The following TBX15 variants were observed in gnomAD, a reference collection of about 807,000 sequenced individuals.
The protein encoded by TBX15 is T-box transcription factor 15, also known as T-box transcription factor TBX15.
In TBX15, 18 loss-of-function variants were observed where a neutral mutation model predicts 53.9. That is an observed-to-expected ratio of 0.33 (90% CI 0.23 to 0.49). The LOEUF (loss-of-function observed/expected upper bound fraction) is 0.49. Ranked by LOEUF, TBX15 falls within the 20% of genes least tolerant of loss-of-function variation. TBX15 has a pLI of 0.98. For missense variants in TBX15, 692 were observed against 749.5 expected (o/e 0.92, Z 0.90); for synonymous variants, 295 against 278.0 (o/e 1.06, Z -0.61).
At chr1:118,956,046 C>T (rs1656679874) in intron 1 of TBX15, among the ~76,000 whole-genome samples, 2 of 152,242 alleles carry the variant, frequency 1.3e-5, no homozygotes, top group African/African-American at 2.4e-5. Context: ...AGTGACCTCG[C>T]CCCTTCTACC....
intron 5 of TBX15, among the ~76,000 whole-genome samples, chr1:118,914,433 C>T (rs1052171263): frequency 6.6e-6 from 1 of 152,186 alleles, no homozygotes; most frequent in African/African-American, 2.4e-5. Flanking sequence ...TCCTACTCAC[C>T]TTCCTTGCCC....
In TBX15 at chr1:118,931,695, C is replaced by A. The variant is rs531803259; in HGVS notation, c.343G>T (p.Val115Leu). 6.2e-7 allele frequency: 1 copy of A among 1,614,100 alleles called. No homozygotes were observed. Among genetic ancestry groups the A allele is most frequent in the African/African-American group, 1.3e-5 (1 of 75,050 alleles). The change falls in exon 2 of 8, where the codon GTG (valine) becomes TTG (leucine). Residue 115 changes from valine (V) to leucine (L), a missense_variant. By Grantham distance (32) the Val-to-Leu change is conservative. This residue lies in a region of TBX15 where 307 missense variants were observed against 347.5 expected (regional missense o/e 0.88). Transcript: ENST00000369429. ...AAMSSMEEIQ[V>L]ELQCADLWKR... Reference sequence around the variant, plus strand: ...CAGAGGTCAGCACATTGCAGCTCCACCTGAATCTCCTCCATGGAAGACATG... The same window carrying A: ...CAGAGGTCAGCACATTGCAGCTCCAACTGAATCTCCTCCATGGAAGACATG...
rs538097676 is a variant in TBX15, at chr1:118,962,657, T to C, written c.205+24934A>G. Among the ~76,000 whole-genome samples the C allele has an allele frequency of 3.7e-4, 56 of 152,304 alleles. 1 individual carries two copies. The highest frequency in any genetic ancestry group is 1.2e-3 in the African/African-American group (50 of 41,572). Reference sequence around the variant, plus strand: ...CCAAACCAAGTGCTAAACTGAAGTTTTCATGTCCCCATAAAGTGTAACCTC... The same window carrying C: ...CCAAACCAAGTGCTAAACTGAAGTTCTCATGTCCCCATAAAGTGTAACCTC... On this transcript the variant is annotated intron_variant, in intron 1 of 7. Coordinates refer to ENST00000369429, the MANE Select transcript of TBX15 (RefSeq NM_001330677.2).
chr1:118,915,535 AT>A (rs1655188851), intron 5 of TBX15, among the ~76,000 whole-genome samples: 2 of 152,166 alleles, frequency 1.3e-5, no homozygotes, highest in Non-Finnish European at 1.5e-5. Flanking sequence ...AGCAAAAGCA[AT>A]TTTACATGTA....
chr1:118,895,551 G>A (rs1423933804), intron 7 of TBX15, among the ~76,000 whole-genome samples: 7 of 152,060 alleles, frequency 4.6e-5, no homozygotes, highest in African/African-American at 1.7e-4. Flanking sequence ...TTCCTTCTAT[G>A]TTTATATTTC....
chr1:118,921,592 C>T (rs1032093904), intron 5 of TBX15, among the ~76,000 whole-genome samples: 1 of 152,192 alleles, frequency 6.6e-6, no homozygotes, highest in Non-Finnish European at 1.5e-5. Flanking sequence ...ACATGTGTAA[C>T]TCGTAGAAAA....
intron 2 of TBX15, among the ~76,000 whole-genome samples, chr1:118,930,617 T>C (rs1329635069): frequency 6.6e-6 from 1 of 152,234 alleles, no homozygotes; most frequent in Non-Finnish European, 1.5e-5. Context: ...GGTTTTGCCA[T>C]GTTGGCCAGG....
At chr1:118,928,787 A>G (rs1655685424) in intron 2 of TBX15, among the ~76,000 whole-genome samples, 1 of 152,218 alleles carries the variant, frequency 6.6e-6, no homozygotes, top group Non-Finnish European at 1.5e-5. Flanking sequence ...ATGACCTTTA[A>G]TGGAGAAGCT....
chr1:118,945,210 G>A (rs1656309683), intron 1 of TBX15, among the ~76,000 whole-genome samples: 1 of 152,140 alleles, frequency 6.6e-6, no homozygotes, highest in Admixed American at 6.5e-5. Context: ...TGAATTGAGA[G>A]AGCCTGTCTA....
intron 7 of TBX15, among the ~76,000 whole-genome samples, chr1:118,887,621 G>GTTGGCTC (rs1427996684): frequency 6.6e-6 from 1 of 150,580 alleles, no homozygotes. Flanking sequence ...GCTGCAGTGA[G>GTTGGCTC]CCAAGATAGT....
intron 5 of TBX15, among the ~76,000 whole-genome samples, chr1:118,916,286 T>C (rs1043803838): frequency 2.0e-5 from 3 of 152,190 alleles, no homozygotes; most frequent in Non-Finnish European, 2.9e-5. Flanking sequence ...AATTACTCCA[T>C]GTTGAAGGGC....
chr1:118,987,811 C>G lies in TBX15; in HGVS notation c.-16G>C, dbSNP rs746457816. ...TTTCACTCATTTTAGCCGCCCACAC[C>G]CCTGCCTCCGCTTGCCCCCGCTACC... On this transcript the variant is annotated 5_prime_UTR_variant, in exon 1 of 8. Transcript: ENST00000369429. 4.3e-5 allele frequency: 67 copies of G among 1,547,804 alleles called. 1 individual carries two copies. Among genetic ancestry groups the G allele is most frequent in the Non-Finnish European group, 5.7e-5 (65 of 1,146,002 alleles).
chr1:118,884,739 A>T lies in TBX15; in HGVS notation c.1802T>A (p.Met601Lys), dbSNP rs758186213. 9 of 1,613,808 alleles carry T rather than the reference A, an allele frequency of 5.6e-6. No homozygotes were observed. The highest frequency in any genetic ancestry group is 7.6e-6 in the Non-Finnish European group (9 of 1,179,992). The change falls in exon 8 of 8, where the codon ATG (methionine) becomes AAG (lysine). Residue 601 changes from methionine (M) to lysine (K), a missense_variant. Transcript: ENST00000369429. ...PGSSSQMSVH[M>K]V ...TGGTGTTTGGACTGGCCTTTAAACCATGTGCACGGACATCTGGGAGGAGGA... is the reference window on the plus strand; with the variant it reads ...TGGTGTTTGGACTGGCCTTTAAACCTTGTGCACGGACATCTGGGAGGAGGA...
chr1:118,989,145 A>G (rs890721456), upstream of TBX15, among the ~76,000 whole-genome samples: 4 of 152,212 alleles, frequency 2.6e-5, no homozygotes, highest in South Asian at 2.1e-4. Context: ...GAGAGGTGAC[A>G]GGCAAGAACA....
intron 1 of TBX15, among the ~76,000 whole-genome samples, chr1:118,968,992 G>A (rs1339182454): frequency 6.6e-6 from 1 of 152,144 alleles, no homozygotes; most frequent in Non-Finnish European, 1.5e-5. Flanking sequence ...AGCCCAAATG[G>A]CATAATCAAT....
At chr1:118,923,653 T>C in intron 4 of TBX15, 50 bp from the exon 5 acceptor site, 1 of 1,606,922 alleles carries the variant, frequency 6.2e-7, no homozygotes, top group South Asian at 1.1e-5. Flanking sequence ...GGAACCTACA[T>C]TTTGTTCTCA....
chr1:118,933,540 G>GCAGCTA (rs1655872266), intron 1 of TBX15, among the ~76,000 whole-genome samples: 2 of 150,562 alleles, frequency 1.3e-5, no homozygotes, highest in South Asian at 4.2e-4. Flanking sequence ...GGACTAAGTA[G>GCAGCTA]CAGCTATTTT....
At chr1:118,950,257 T>C (rs1656473916) in intron 1 of TBX15, among the ~76,000 whole-genome samples, 1 of 152,228 alleles carries the variant, frequency 6.6e-6, no homozygotes, top group Admixed American at 6.5e-5. Flanking sequence ...GAGGAGAGAC[T>C]TCTCTGCTGC....
At position 118,988,108 on chromosome 1, in the gene TBX15, T is replaced by G. The variant is rs1657905327; in HGVS notation, c.-313A>C. Reference sequence around the variant, plus strand: ...GCAGGCGCTCACAGACTGTGTCCACTGAACTTCATCTTGTTTTTGTTATTA... The same window carrying G: ...GCAGGCGCTCACAGACTGTGTCCACGGAACTTCATCTTGTTTTTGTTATTA... On this transcript the variant is annotated 5_prime_UTR_variant, in exon 1 of 8. Coordinates refer to ENST00000369429, the MANE Select transcript of TBX15 (RefSeq NM_001330677.2). 4.5e-6 allele frequency: 2 copies of G among 445,500 alleles called. No individual in the cohort carries two copies. Among genetic ancestry groups the G allele is most frequent in the Non-Finnish European group, 8.0e-6 (2 of 251,210 alleles). The allele number at this position is 445,500 out of a possible 1,614,324, so 27.6% of individuals were successfully genotyped here.
Sources: allele counts gnomAD v4.1 joint callset (sites outside exome capture counted in the v4.1 genomes callset), GRCh38; gene constraint gnomAD v4.1.1; regional missense constraint gnomAD v4.1.1; transcripts MANE v1.5; gene names NCBI Gene and HGNC (gene_info 2026-07-23, HGNC 2026-07-21).